The following FTO variants were observed in gnomAD, a reference collection of about 807,000 sequenced individuals.
FTO encodes the protein alpha-ketoglutarate-dependent dioxygenase FTO.
In FTO, 47 loss-of-function variants were observed where a neutral mutation model predicts 63.9. The ratio of observed to expected loss-of-function variants is 0.74; its 90% confidence interval spans 0.58 to 0.94. The LOEUF (loss-of-function observed/expected upper bound fraction) is 0.94, where lower values mean the gene tolerates loss of function less well. Ranked by LOEUF, FTO falls within the 40% of genes least tolerant of loss-of-function variation. The pLI, the probability that FTO is intolerant of heterozygous loss-of-function variation, is 0.00. For synonymous variants in FTO, 207 were observed against 224.4 expected (o/e 0.92, Z 0.69); for missense variants, 562 against 618.1 (o/e 0.91, Z 0.96).
At chr16:53,793,083 T>G (rs1472997261) in intron 1 of FTO, among the ~76,000 whole-genome samples, 1 of 152,200 alleles carries the variant, frequency 6.6e-6, no homozygotes, top group Non-Finnish European at 1.5e-5. Context: ...TTACAGCTAA[T>G]GGAGTCAAAA....
intron 1 of FTO, among the ~76,000 whole-genome samples, chr16:53,708,845 C>A (rs373374344): frequency 7.2e-5 from 11 of 152,270 alleles, no homozygotes; most frequent in African/African-American, 2.4e-4. Context: ...TGTTCAAAAT[C>A]TTTGCCCATT....
At chr16:53,795,093 T>C (rs2078027033) in intron 1 of FTO, among the ~76,000 whole-genome samples, 1 of 151,962 alleles carries the variant, frequency 6.6e-6, no homozygotes, top group Non-Finnish European at 1.5e-5. Context: ...TCCCAAGATA[T>C]GCAGAAATGG....
chr16:54,035,138 G>A (rs2084914886), intron 8 of FTO, among the ~76,000 whole-genome samples: 1 of 152,238 alleles, frequency 6.6e-6, no homozygotes, highest in African/African-American at 2.4e-5. Flanking sequence ...CTTACTAGTT[G>A]AACAGGATCT....
chr16:54,063,872 A>G (rs1382653715), intron 8 of FTO: 2 of 152,124 alleles, frequency 1.3e-5, no homozygotes, highest in Non-Finnish European at 2.9e-5. Context: ...CAGGATCGCT[A>G]TCGTTAATAA....
chr16:53,882,974 C>A (rs1567395465), intron 6 of FTO, among the ~76,000 whole-genome samples: 1 of 152,086 alleles, frequency 6.6e-6, no homozygotes, highest in Non-Finnish European at 1.5e-5. Flanking sequence ...GATGGGTGTT[C>A]TACTTTCTCT....
chr16:53,958,216 AG>A (rs2082975366), intron 8 of FTO, among the ~76,000 whole-genome samples: 3 of 152,206 alleles, frequency 2.0e-5, no homozygotes, highest in African/African-American at 7.2e-5. Flanking sequence ...CGGCCCACTT[AG>A]AGAAGGTTAA....
chr16:54,062,787 T>G (rs1474782379), intron 8 of FTO, among the ~76,000 whole-genome samples: 3 of 152,126 alleles, frequency 2.0e-5, no homozygotes, highest in African/African-American at 7.2e-5. Context: ...ACACACAGGA[T>G]GAATCCATAA....
At chr16:53,916,771 A>G (rs1464503363) in intron 7 of FTO, among the ~76,000 whole-genome samples, 3 of 152,346 alleles carry the variant, frequency 2.0e-5, no homozygotes, top group East Asian at 1.9e-4. Flanking sequence ...TTTCATATGT[A>G]GTATTCATAA....
intron 8 of FTO, among the ~76,000 whole-genome samples, chr16:53,986,388 T>C (rs1358793229): frequency 6.6e-6 from 1 of 152,140 alleles, no homozygotes; most frequent in Non-Finnish European, 1.5e-5. Flanking sequence ...GTTTCTCTGC[T>C]CCTTTGTGAG....
intron 1 of FTO, among the ~76,000 whole-genome samples, chr16:53,721,939 C>A (rs1377200499): frequency 1.3e-5 from 2 of 152,118 alleles, no homozygotes; most frequent in Non-Finnish European, 2.9e-5. Flanking sequence ...TGGGAGACTT[C>A]ATATCTCAGA....
intron 8 of FTO, among the ~76,000 whole-genome samples, chr16:53,969,894 C>T (rs1352316400): frequency 6.6e-6 from 1 of 152,130 alleles, no homozygotes; most frequent in African/African-American, 2.4e-5. Flanking sequence ...GAACTGCTGC[C>T]TAAAAGTGTG....
chr16:54,055,169 G>T (rs2085402747), intron 8 of FTO, among the ~76,000 whole-genome samples: 1 of 152,186 alleles, frequency 6.6e-6, no homozygotes, highest in Admixed American at 6.5e-5. Context: ...TTGCAATACT[G>T]GGTGGAACTG....
At chr16:53,975,665 C>T (rs2083419283) in intron 8 of FTO, among the ~76,000 whole-genome samples, 1 of 123,044 alleles carries the variant, frequency 8.1e-6, no homozygotes, top group African/African-American at 3.2e-5. Context: ...ATTCTACAGT[C>T]CTCAAAAAAA....
intron 1 of FTO, among the ~76,000 whole-genome samples, chr16:53,768,758 G>A (rs1340117140): frequency 6.6e-6 from 1 of 152,064 alleles, no homozygotes; most frequent in Non-Finnish European, 1.5e-5. Flanking sequence ...GATCTCAAGT[G>A]TCTTGTCCAT....
chr16:53,920,108 A>G (rs552686651), intron 7 of FTO, among the ~76,000 whole-genome samples: 1 of 152,348 alleles, frequency 6.6e-6, no homozygotes, highest in East Asian at 1.9e-4. Flanking sequence ...TTTATCCTAA[A>G]TCTCAGTAGC....
intron 8 of FTO, among the ~76,000 whole-genome samples, chr16:54,009,008 T>TC (rs11295022): frequency 1.1e-4 from 17 of 149,228 alleles, no homozygotes; most frequent in East Asian, 6.0e-4. Context: ...AAAGACCCTG[T>TC]CCCCCCCCCA....
At chr16:53,711,044 G>A (rs2075761608) in intron 1 of FTO, among the ~76,000 whole-genome samples, 1 of 150,492 alleles carries the variant, frequency 6.6e-6, no homozygotes, top group Non-Finnish European at 1.5e-5. Flanking sequence ...ATATTATATA[G>A]CACATAAAAC....
At chr16:53,891,015 G>A (rs1236188913) in intron 7 of FTO, among the ~76,000 whole-genome samples, 1 of 150,998 alleles carries the variant, frequency 6.6e-6, no homozygotes, top group Non-Finnish European at 1.5e-5. Flanking sequence ...TTTTGAGACG[G>A]AGTCTTGCTC....
intron 1 of FTO, among the ~76,000 whole-genome samples, chr16:53,749,726 A>G (rs1169324294): frequency 6.6e-6 from 1 of 152,216 alleles, no homozygotes; most frequent in Non-Finnish European, 1.5e-5. Context: ...AGCGTGAGCC[A>G]CTGCGCCCGG....
Sources: allele counts gnomAD v4.1 joint callset (sites outside exome capture counted in the v4.1 genomes callset), GRCh38; gene constraint gnomAD v4.1.1; transcripts MANE v1.5; gene names NCBI Gene and HGNC (gene_info 2026-07-23, HGNC 2026-07-21).